The following STK32C variants were observed in gnomAD, a reference collection of about 807,000 sequenced individuals.
STK32C encodes the protein serine/threonine-protein kinase 32C.
A neutral mutation model predicts 56.5 loss-of-function variants in STK32C; 31 were observed. The observed-to-expected ratio is 0.55, with a 90% CI of 0.41 to 0.74. The LOEUF is 0.74. Among genes scored for constraint, STK32C ranks in the 30% least tolerant of loss-of-function variants. The pLI is 0.00. For synonymous variants in STK32C, 309 were observed against 289.4 expected, an observed-to-expected ratio of 1.07 and a Z score of -0.69; for missense variants, 544 against 676.9, an observed-to-expected ratio of 0.80 and a Z score of 2.18.
At chr10:132,275,835 CCT>C (rs2064979278) in intron 1 of STK32C, among the ~76,000 whole-genome samples, 1 of 152,210 alleles carries the variant, frequency 6.6e-6, no homozygotes, top group Non-Finnish European at 1.5e-5. Flanking sequence ...TCTTCCTGCC[CCT>C]CTTTTCTCCC....
chr10:132,331,370 T>TAA, intron 1 of STK32C: 3 of 1,508,782 alleles, frequency 2.0e-6, no homozygotes, highest in Non-Finnish European at 1.8e-6. Flanking sequence ...CGCGAGCACC[T>TAA]CCCCTCCCGC....
At chr10:132,257,558 G>A (rs1451790165) in intron 1 of STK32C, among the ~76,000 whole-genome samples, 3 of 152,054 alleles carry the variant, frequency 2.0e-5, no homozygotes, top group African/African-American at 7.2e-5. Flanking sequence ...TGGGTGGCAG[G>A]ATGCTGCCTG....
At chr10:132,331,780 C>A (rs1446243822) in exon 1 of STK32C, 2 of 1,608,142 alleles carry the variant, frequency 1.2e-6, no homozygotes, top group Non-Finnish European at 1.7e-6. Context: ...GTCGCCCCTC[C>A]AGACCCTCGC....
At chr10:132,209,010 C>G in intron 11 of STK32C, 24 bp downstream of exon 11, 1 of 1,606,714 alleles carries the variant, frequency 6.2e-7, no homozygotes, top group South Asian at 1.1e-5. Flanking sequence ...TGCCACCACG[C>G]CCACCCACCC....
At chr10:132,248,377 G>A (rs1324910119) in intron 1 of STK32C, among the ~76,000 whole-genome samples, 1 of 152,242 alleles carries the variant, frequency 6.6e-6, no homozygotes, top group Non-Finnish European at 1.5e-5. Context: ...GGCCTGCCCT[G>A]CAGTGGGGAG....
chr10:132,331,857 T>C (rs1364635543), upstream of STK32C: 3 of 1,412,042 alleles, frequency 2.1e-6, no homozygotes, highest in Admixed American at 4.2e-5. Context: ...GATGCTACCG[T>C]TGGCCGCGTG....
At chr10:132,279,160 T>C (rs1342817378) in intron 1 of STK32C, among the ~76,000 whole-genome samples, 1 of 152,110 alleles carries the variant, frequency 6.6e-6, no homozygotes, top group African/African-American at 2.4e-5. Context: ...ACTGTGAAGT[T>C]CCACAGTCAG....
At chr10:132,311,620 C>G (rs537407836), upstream of STK32C, among the ~76,000 whole-genome samples, 1 of 152,312 alleles carries the variant, frequency 6.6e-6, no homozygotes, top group South Asian at 2.1e-4. The surrounding 1 kb of genome is among the most constrained non-coding windows in gnomAD (Gnocchi z 4.4). Flanking sequence ...AAGGAGCCCT[C>G]GCCCCCACTG....
chr10:132,276,375 G>A lies in STK32C; in HGVS notation c.263-30420C>T, dbSNP rs546910347. Among the ~76,000 whole-genome samples the A allele has an allele frequency of 3.2e-4, 49 of 152,322 alleles. No homozygotes were observed. The South Asian group carries it at 0.01, about 32-fold the overall frequency. On this transcript the variant is annotated intron_variant, in intron 1 of 11. Transcript: ENST00000298630. ...CACTGGGCACTGGAACAGGGTCAGG[G>A]TCAGCACCTGTGCCAGCTACACGGT... is the stretch of plus-strand genomic sequence containing the variant.
chr10:132,313,751 C>T (rs1470298663), intron 1 of STK32C, among the ~76,000 whole-genome samples: 2 of 149,588 alleles, frequency 1.3e-5, no homozygotes, highest in African/African-American at 2.6e-5. Context: ...AAAGGCCAGG[C>T]TGGTTAAGCT....
upstream of STK32C, among the ~76,000 whole-genome samples, chr10:132,311,664 C>T (rs553716213): frequency 6.6e-6 from 1 of 152,356 alleles, no homozygotes; most frequent in East Asian, 1.9e-4. This position sits in a 1 kb window ranked among gnomAD's most constrained non-coding sequence, Gnocchi z 4.4. Context: ...GTTCACCGCT[C>T]AGCTCTGCTT....
chr10:132,306,647 TCCATCATA>T (rs1235793347), intron 1 of STK32C, among the ~76,000 whole-genome samples: 1 of 152,256 alleles, frequency 6.6e-6, no homozygotes, highest in Non-Finnish European at 1.5e-5. Flanking sequence ...TTTTGAAGGA[TCCATCATA>T]CCTCTGCACG....
intron 2 of STK32C, among the ~76,000 whole-genome samples, chr10:132,240,458 C>T (rs1175278362): frequency 3.9e-5 from 6 of 152,180 alleles, no homozygotes; most frequent in African/African-American, 7.2e-5. Context: ...CCAGAGGCCA[C>T]GTACACAGGC....
At chr10:132,304,796 C>T (rs1440607676) in intron 1 of STK32C, among the ~76,000 whole-genome samples, 1 of 152,230 alleles carries the variant, frequency 6.6e-6, no homozygotes, top group Non-Finnish European at 1.5e-5. Context: ...CCTGCCCGGC[C>T]CGGCGCCCAG....
chr10:132,240,429 G>T (rs2063461102), intron 2 of STK32C, among the ~76,000 whole-genome samples: 1 of 152,160 alleles, frequency 6.6e-6, no homozygotes. Context: ...CGGCACAGGG[G>T]GCCCAGGTAA....
intron 10 of STK32C, among the ~76,000 whole-genome samples, chr10:132,219,854 G>A (rs538217612): frequency 5.3e-5 from 8 of 152,112 alleles, no homozygotes; most frequent in Non-Finnish European, 1.2e-4. Context: ...GCAACACAGG[G>A]CCCACCAGGT....
rs866943467 is a variant in STK32C, at chr10:132,218,598, T to C, written c.1251+4043A>G. Reference sequence around the variant, plus strand: ...AATTAGAACCCTCACACACTGCTGGTAGGGGCATAAAATGGCACACCTGCT... The same window carrying C: ...AATTAGAACCCTCACACACTGCTGGCAGGGGCATAAAATGGCACACCTGCT... On this transcript the variant is annotated intron_variant, in intron 10 of 11. Transcript: ENST00000298630. 2.0e-5 allele frequency among the ~76,000 whole-genome samples: 3 copies of C among 152,148 alleles called. No homozygotes were observed. The South Asian group carries it at 6.2e-4, about 32-fold the overall frequency.
At chr10:132,326,831 G>A (rs1343296019) in intron 1 of STK32C, among the ~76,000 whole-genome samples, 1 of 152,122 alleles carries the variant, frequency 6.6e-6, no homozygotes, top group South Asian at 2.1e-4. Flanking sequence ...GGTTTCTTTG[G>A]AATCCCCTTG....
rs905287892 is a variant in STK32C, at chr10:132,230,217, G to A, written c.319-2089C>T. ...TGACCATTTTTTAAATTGTTATTTT[G>A]AAAGCCAGTTGAGGGTTTCAGAATG... On this transcript the variant is annotated intron_variant, in intron 2 of 11. Coordinates refer to ENST00000298630, the MANE Select transcript of STK32C (RefSeq NM_173575.4). 2.4e-4 allele frequency among the ~76,000 whole-genome samples: 36 copies of A among 152,342 alleles called. No homozygotes were observed. The South Asian group carries it at 6.4e-3, about 27-fold the overall frequency.
Sources: gnomAD v4.1 joint callset for allele counts (sites outside exome capture counted in the v4.1 genomes callset) on GRCh38, gnomAD v4.1.1 for gene constraint, Gnocchi (gnomAD v3.1) non-coding constraint, MANE v1.5 for transcripts, NCBI Gene and HGNC (gene_info 2026-07-23, HGNC 2026-07-21) for gene names.